The following CUX2 variants were observed in gnomAD, a reference collection of about 807,000 sequenced individuals.
CUX2 encodes the protein homeobox protein cut-like 2.
CUX2 carries 40 observed loss-of-function variants against 144.8 expected under a neutral mutation model. The ratio of observed to expected loss-of-function variants is 0.28; its 90% CI spans 0.21 to 0.36. The LOEUF is 0.36. CUX2 is among the 10% of genes least tolerant of loss of function. The pLI, the probability that CUX2 is intolerant of heterozygous loss-of-function variation, is 1.00. For synonymous variants in CUX2, 827 were observed against 875.6 expected (o/e 0.94, Z 0.98); for missense variants, 1,615 against 1,994.0 (o/e 0.81, Z 3.62).
chr12:111,226,927 G>C (rs554969563), intron 3 of CUX2, among the ~76,000 whole-genome samples: 1 of 152,350 alleles, frequency 6.6e-6, no homozygotes, highest in Non-Finnish European at 1.5e-5. Flanking sequence ...GCCGTGCGGG[G>C]CCAGTCGGTG....
At chr12:111,230,163 GAGAC>G (rs767643924) in intron 3 of CUX2, among the ~76,000 whole-genome samples, 111 of 141,408 alleles carry the variant, frequency 7.8e-4, no homozygotes, top group Admixed American at 1.1e-3. Flanking sequence ...CTCAAAAAGA[GAGAC>G]AGAGAAGGAG....
chr12:111,213,334 C>A (rs565252199), intron 1 of CUX2, among the ~76,000 whole-genome samples: 1 of 152,292 alleles, frequency 6.6e-6, no homozygotes, highest in East Asian at 1.9e-4. Flanking sequence ...TGTGAAACTG[C>A]CACCATTAAA....
chr12:111,217,841 G>T (rs772559296), intron 2 of CUX2, 49 bp from the exon 3 acceptor site: 1 of 1,604,732 alleles, frequency 6.2e-7, no homozygotes, highest in Non-Finnish European at 8.5e-7. Context: ...GGGCCACGGG[G>T]GCGTCCCACC....
rs117127209 is a variant in CUX2 at position 111,269,892 on chromosome 12, G to A, written c.301+6053G>A. On this transcript the variant is annotated intron_variant, in intron 4 of 21. Coordinates refer to ENST00000261726, the MANE Select transcript of CUX2 (RefSeq NM_015267.4). Reference sequence around the variant, plus strand: ...CTCTCCTCCCCAGAAATGCAGGGGCGGGAGAGCTGTCCCCAGCTGTCACCG... The same window carrying A: ...CTCTCCTCCCCAGAAATGCAGGGGCAGGAGAGCTGTCCCCAGCTGTCACCG... 5.0e-3 allele frequency among the ~76,000 whole-genome samples: 754 copies of A among 152,250 alleles called. 5 individuals are homozygous for A. The highest frequency in any genetic ancestry group is 8.7e-3 in the South Asian group (42 of 4,816).
In CUX2 at chr12:111,034,737, G is replaced by A. The variant is rs1461306199; in HGVS notation, c.63+497G>A. ...GGGAGGAGGAGGAGGAGAGGAGGAGGAGGAGGAGAGAGGAGGAGGGAGCCG... is the reference window on the plus strand; with the variant it reads ...GGGAGGAGGAGGAGGAGAGGAGGAGAAGGAGGAGAGAGGAGGAGGGAGCCG... On this transcript the variant is annotated intron_variant, in intron 1 of 21. Coordinates refer to ENST00000261726, the MANE Select transcript of CUX2 (RefSeq NM_015267.4). This position sits in a 1 kb window ranked among gnomAD's most constrained non-coding sequence, Gnocchi z 4.2. Among the ~76,000 whole-genome samples, 1 of 151,070 alleles carries A rather than the reference G, an allele frequency of 6.6e-6. No homozygotes were observed. The highest frequency in any genetic ancestry group is 1.5e-5 in the Non-Finnish European group (1 of 67,434).
chr12:111,146,973 A>G (rs1186663409), intron 1 of CUX2, among the ~76,000 whole-genome samples: 1 of 152,178 alleles, frequency 6.6e-6, no homozygotes, highest in Non-Finnish European at 1.5e-5. Flanking sequence ...GTCTCTATTA[A>G]AAATACAAAA....
intron 1 of CUX2, among the ~76,000 whole-genome samples, chr12:111,042,387 C>T (rs1869790746): frequency 6.6e-6 from 1 of 152,142 alleles, no homozygotes; most frequent in Non-Finnish European, 1.5e-5. Context: ...TCATCTGCTA[C>T]GAGTGTCTAT....
At chr12:111,047,591 T>C (rs1357024384) in intron 1 of CUX2, among the ~76,000 whole-genome samples, 2 of 152,164 alleles carry the variant, frequency 1.3e-5, no homozygotes, top group Non-Finnish European at 2.9e-5. Context: ...CACCCTATTT[T>C]GCAGCTGAGG....
At chr12:111,199,923 C>T (rs74765498) in intron 1 of CUX2, among the ~76,000 whole-genome samples, 42 of 152,118 alleles carry the variant, frequency 2.8e-4, no homozygotes, top group Non-Finnish European at 5.3e-4. Context: ...GGAAAAAGCC[C>T]GCAGGAAGGC....
intron 4 of CUX2, among the ~76,000 whole-genome samples, chr12:111,274,120 C>T (rs890790931): frequency 1.8e-4 from 27 of 152,010 alleles, no homozygotes; most frequent in Non-Finnish European, 2.8e-4. Context: ...TTAGTAGAGA[C>T]GGGATTTCAC....
rs373968028 is a variant in CUX2, at chr12:111,287,951, G to T, written c.302-3467G>T. Among the ~76,000 whole-genome samples the T allele has an allele frequency of 2.0e-5, 3 of 152,322 alleles. No homozygotes were observed. The highest frequency in any genetic ancestry group is 4.1e-4 in the South Asian group (2 of 4,828). On this transcript the variant is annotated intron_variant, in intron 4 of 21. Coordinates refer to ENST00000261726, the MANE Select transcript of CUX2 (RefSeq NM_015267.4). The surrounding 1 kb of genome is among the most constrained non-coding windows in gnomAD (Gnocchi z 4.2). Reference sequence around the variant, plus strand: ...CAGCAGGGTAGGGGTGGAAGGGAGTGCAAAAACATGCAGTCTGGCCTTGCC... The same window carrying T: ...CAGCAGGGTAGGGGTGGAAGGGAGTTCAAAAACATGCAGTCTGGCCTTGCC...
rs1887588447 is a variant in CUX2 at position 111,322,570 on chromosome 12, T to G, written c.2916T>G (p.Gly972=). 6.2e-7 allele frequency: 1 copy of G among 1,608,832 alleles called. No homozygotes were observed. Among genetic ancestry groups the G allele is most frequent in the South Asian group, 1.1e-5 (1 of 90,570 alleles). ...QLGQAVGQQP[G]ASQASPTEPR... is the part of the protein sequence containing the mutation. The stretch of plus-strand genomic sequence containing the variant: ...GCCAGGCAGTGGGCCAGCAGCCTGG[T>G]GCCTCCCAGGGTGAGTGCGGGCAGG... Residue 972 remains glycine (G), a synonymous_variant, in exon 18 of 22, where the codon GGT becomes GGG. Coordinates refer to ENST00000261726, the MANE Select transcript of CUX2 (RefSeq NM_015267.4). The surrounding 1 kb of genome is among the most constrained non-coding windows in gnomAD (Gnocchi z 4.2).
chr12:111,229,038 A>G (rs1351195620), intron 3 of CUX2, among the ~76,000 whole-genome samples: 2 of 152,204 alleles, frequency 1.3e-5, no homozygotes, highest in Non-Finnish European at 2.9e-5. Context: ...ATAGATATAA[A>G]GGCGTAGAAC....
At chr12:111,079,770 T>A (rs1170032549) in intron 1 of CUX2, among the ~76,000 whole-genome samples, 4 of 152,192 alleles carry the variant, frequency 2.6e-5, no homozygotes, top group Non-Finnish European at 2.9e-5. Context: ...TGCATGTGTG[T>A]CCAGGTCAGT....
rs61943039 is a variant in CUX2 at position 111,122,774 on chromosome 12, G to A, written c.63+88534G>A. Among the ~76,000 whole-genome samples, 1,313 of 152,294 alleles carry A rather than the reference G, an allele frequency of 8.6e-3. 9 individuals carry two copies. The highest frequency in any genetic ancestry group is 0.015 in the Non-Finnish European group (1,005 of 68,010). On this transcript the variant is annotated intron_variant, in intron 1 of 21. Coordinates refer to ENST00000261726, the MANE Select transcript of CUX2 (RefSeq NM_015267.4). ...GCAAACAGCCACCGGCTAGTTGCTC[G>A]TGGCTGCAGATATTTGATATGGGGA...
rs538824718 is a variant in CUX2 at position 111,094,226 on chromosome 12, G to A, written c.63+59986G>A. Among the ~76,000 whole-genome samples, 13 of 152,274 alleles carry A rather than the reference G, an allele frequency of 8.5e-5. No individual in the cohort carries two copies. In the East Asian group the frequency reaches 2.5e-3, roughly 29 times the overall value. ...AGCAAAAATTATCCTGGCCATTCCC[G>A]TGGCAGAATCGATCACTCCAAGAGC... On this transcript the variant is annotated intron_variant, in intron 1 of 21. Transcript: ENST00000261726.
intron 3 of CUX2, among the ~76,000 whole-genome samples, chr12:111,232,928 C>T (rs1270077185): frequency 6.6e-6 from 1 of 152,212 alleles, no homozygotes; most frequent in Non-Finnish European, 1.5e-5. Context: ...AATTCAGACA[C>T]TCGCACATCA....
chr12:111,304,087 A>C lies in CUX2; in HGVS notation c.754-123A>C. On this transcript the variant is annotated intron_variant, in intron 9 of 21. Coordinates refer to ENST00000261726, the MANE Select transcript of CUX2 (RefSeq NM_015267.4). The surrounding 1 kb of genome is among the most constrained non-coding windows in gnomAD (Gnocchi z 4.7). ...TAGCTCCAGGACAGGGTCCGGGACT[A>C]GGAAGGCAGGACCTGAGGCCCTCGG... 1 of 699,108 alleles carries C rather than the reference A, an allele frequency of 1.4e-6. No individual in the cohort carries two copies. Among genetic ancestry groups the C allele is most frequent in the Non-Finnish European group, 2.5e-6 (1 of 400,918 alleles). The allele number at this position is 699,108 out of a possible 1,614,324, so 43.3% of individuals were successfully genotyped here.
At position 111,034,211 on chromosome 12, in the gene CUX2, T is replaced by C; in HGVS notation, c.34T>C (p.Trp12Arg). 7.1e-7 allele frequency: 1 copy of C among 1,399,902 alleles called. No homozygotes were observed. Among genetic ancestry groups the C allele is most frequent in the Non-Finnish European group, 9.5e-7 (1 of 1,047,750 alleles). 86.7% of individuals were successfully genotyped at this position (1,399,902 alleles called of 1,614,324 possible). The change falls in exon 1 of 22, where the codon TGG (tryptophan) becomes CGG (arginine). Residue 12 changes from tryptophan (W) to arginine (R), a missense_variant. By Grantham distance (101) the Trp-to-Arg change is moderately radical. Transcript: ENST00000261726. The surrounding 1 kb of genome is among the most constrained non-coding windows in gnomAD (Gnocchi z 4.2). ...CAATGTGGGATCGATGTTTCAATAT[T>C]GGAAGCGATTTGATCTACGGCGACT... The part of the protein sequence containing the change: ...AANVGSMFQY[W>R]KRFDLRRLQK...
Sources: allele counts gnomAD v4.1 joint callset (sites outside exome capture counted in the v4.1 genomes callset), GRCh38; gene constraint gnomAD v4.1.1; non-coding constraint Gnocchi (gnomAD v3.1); transcripts MANE v1.5; gene names NCBI Gene and HGNC (gene_info 2026-07-23, HGNC 2026-07-21).